Variants in CCSER1 observed in about 807,000 individuals in gnomAD.
The protein encoded by CCSER1 is coiled-coil serine rich protein 1.
CCSER1 carries 41 observed loss-of-function variants against 82.0 expected under a neutral mutation model. The ratio of observed to expected loss-of-function variants is 0.50; its 90% confidence interval spans 0.39 to 0.65. CCSER1 has a LOEUF of 0.65. Among genes scored for constraint, CCSER1 ranks in the 30% least tolerant of loss-of-function variants. The pLI, the probability that CCSER1 is intolerant of heterozygous loss-of-function variation, is 0.00. For missense variants in CCSER1, 1,119 were observed against 1,064.2 expected (o/e 1.05, Z -0.72); for synonymous variants, 414 against 383.9 (o/e 1.08, Z -0.92).
chr4:90,735,083 T>C (rs1279149665), intron 7 of CCSER1, among the ~76,000 whole-genome samples: 1 of 152,162 alleles, frequency 6.6e-6, no homozygotes, highest in Non-Finnish European at 1.5e-5. Flanking sequence ...AAAATAATTA[T>C]ATGTTTATTG....
chr4:91,166,642 C>A (rs538437202), intron 10 of CCSER1, among the ~76,000 whole-genome samples: 3 of 152,216 alleles, frequency 2.0e-5, no homozygotes, highest in African/African-American at 7.2e-5. Flanking sequence ...GATATTTTAA[C>A]TTTTTCCTCT....
At chr4:91,005,587 A>G (rs1738435434) in intron 9 of CCSER1, among the ~76,000 whole-genome samples, 1 of 152,222 alleles carries the variant, frequency 6.6e-6, no homozygotes, top group Admixed American at 6.5e-5. Context: ...AAAATGTTTA[A>G]GTAAGTATAC....
chr4:91,465,637 T>C (rs951362665), intron 10 of CCSER1, among the ~76,000 whole-genome samples: 2 of 151,220 alleles, frequency 1.3e-5, no homozygotes, highest in Non-Finnish European at 2.9e-5. Flanking sequence ...GAGAGAAGAA[T>C]CAAATAGATG....
chr4:90,898,987 A>C (rs1403530593), intron 8 of CCSER1, among the ~76,000 whole-genome samples: 1 of 151,972 alleles, frequency 6.6e-6, no homozygotes, highest in Non-Finnish European at 1.5e-5. Context: ...ATAAAATGAC[A>C]TTGGTCATTT....
chr4:90,606,142 A>G (rs527695089), intron 5 of CCSER1, among the ~76,000 whole-genome samples: 25 of 152,254 alleles, frequency 1.6e-4, no homozygotes, highest in Non-Finnish European at 2.6e-4. Flanking sequence ...AAGTTTATAC[A>G]CTTGGACTCT....
chr4:90,518,009 AC>A (rs1242138369), intron 5 of CCSER1, among the ~76,000 whole-genome samples: 1 of 152,084 alleles, frequency 6.6e-6, no homozygotes, highest in African/African-American at 2.4e-5. Context: ...ATTAAAAAAA[AC>A]ATAATATGAA....
intron 5 of CCSER1, among the ~76,000 whole-genome samples, chr4:90,570,933 C>T (rs1392746347): frequency 2.6e-5 from 4 of 152,016 alleles, no homozygotes. Context: ...CTTACAGAGT[C>T]TTGGCCCTCT....
chr4:91,223,075 A>G (rs1170935225), intron 10 of CCSER1, among the ~76,000 whole-genome samples: 1 of 152,062 alleles, frequency 6.6e-6, no homozygotes, highest in Non-Finnish European at 1.5e-5. Context: ...TTTATTGAAT[A>G]CTCAAAAAAA....
At chr4:90,530,869 C>G (rs550831828) in intron 5 of CCSER1, among the ~76,000 whole-genome samples, 1 of 152,132 alleles carries the variant, frequency 6.6e-6, no homozygotes, top group South Asian at 2.1e-4. Context: ...ATTTTCTATT[C>G]TCTTGCAACC....
chr4:90,786,150 G>A (rs541525478), intron 7 of CCSER1, among the ~76,000 whole-genome samples: 1 of 152,286 alleles, frequency 6.6e-6, no homozygotes, highest in South Asian at 2.1e-4. Flanking sequence ...AAGCTGGGCA[G>A]ATAGAAAGAC....
At chr4:91,380,823 T>A (rs1254168350) in intron 10 of CCSER1, among the ~76,000 whole-genome samples, 6 of 152,228 alleles carry the variant, frequency 3.9e-5, no homozygotes, top group Non-Finnish European at 7.3e-5. Context: ...CCTTAGTTGA[T>A]GCAGTTTCTT....
chr4:90,387,224 A>T (rs1301981756), intron 3 of CCSER1, among the ~76,000 whole-genome samples: 3 of 152,144 alleles, frequency 2.0e-5, no homozygotes, highest in African/African-American at 7.2e-5. Context: ...TTCTTAAAAA[A>T]TAAGCAATGA....
At position 90,384,261 on chromosome 4, in the gene CCSER1, G is replaced by C. The variant is rs913713707; in HGVS notation, c.1510-15775G>C. 4.0e-5 allele frequency among the ~76,000 whole-genome samples: 6 copies of C among 150,546 alleles called. No homozygotes were observed. In the South Asian group the frequency reaches 1.1e-3, roughly 26 times the overall value. On this transcript the variant is annotated intron_variant, in intron 3 of 10. Coordinates refer to ENST00000509176, the MANE Select transcript of CCSER1 (RefSeq NM_001145065.2). ...ACCCATTAACTCGTCATTTACATTAGGTATATTTGCTAATGCTATCCCTCC... is the reference window on the plus strand; with the variant it reads ...ACCCATTAACTCGTCATTTACATTACGTATATTTGCTAATGCTATCCCTCC...
At chr4:91,052,449 A>G (rs901504662) in intron 9 of CCSER1, among the ~76,000 whole-genome samples, 1 of 152,132 alleles carries the variant, frequency 6.6e-6, no homozygotes, top group African/African-American at 2.4e-5. Context: ...TGTATTTATT[A>G]CACTTATGTT....
intron 10 of CCSER1, among the ~76,000 whole-genome samples, chr4:91,533,512 C>A (rs1192388398): frequency 6.6e-6 from 1 of 152,048 alleles, no homozygotes; most frequent in Non-Finnish European, 1.5e-5. Flanking sequence ...AAAAGAAGAG[C>A]AAGAGTGAAT....
At chr4:90,449,568 C>T (rs576279325) in intron 4 of CCSER1, among the ~76,000 whole-genome samples, 3 of 152,356 alleles carry the variant, frequency 2.0e-5, no homozygotes, top group African/African-American at 7.2e-5. Flanking sequence ...GAGCTGCCCA[C>T]AACCCTTCCC....
At chr4:91,329,186 A>T (rs1214685614) in intron 10 of CCSER1, among the ~76,000 whole-genome samples, 2 of 151,182 alleles carry the variant, frequency 1.3e-5, no homozygotes, top group African/African-American at 4.9e-5. Context: ...AGTAGTTAAA[A>T]TATCTGTGAA....
At chr4:91,257,266 A>G (rs1163718030) in intron 10 of CCSER1, among the ~76,000 whole-genome samples, 1 of 152,170 alleles carries the variant, frequency 6.6e-6, no homozygotes, top group African/African-American at 2.4e-5. Flanking sequence ...ATCACGTCCC[A>G]AAGTAGTCCA....
chr4:91,509,405 T>C (rs1759705317), intron 10 of CCSER1, among the ~76,000 whole-genome samples: 1 of 152,130 alleles, frequency 6.6e-6, no homozygotes, highest in Non-Finnish European at 1.5e-5. Flanking sequence ...TTTTCTCTTA[T>C]TACATTCTAA....
Sources: allele counts gnomAD v4.1 joint callset (sites outside exome capture counted in the v4.1 genomes callset), GRCh38; gene constraint gnomAD v4.1.1; transcripts MANE v1.5; gene names NCBI Gene and HGNC (gene_info 2026-07-23, HGNC 2026-07-21).